The following CACHD1 variants were observed in gnomAD, a reference collection of about 807,000 sequenced individuals.
The protein encoded by CACHD1 is cache domain containing 1, also known as VWFA and cache domain-containing protein 1.
A neutral mutation model predicts 138.7 loss-of-function variants in CACHD1; 71 were observed. The observed-to-expected ratio is 0.51, with a 90% confidence interval of 0.42 to 0.62. The LOEUF is 0.62. Among genes scored for constraint, CACHD1 ranks in the 20% least tolerant of loss-of-function variants. The probability of loss-of-function intolerance (pLI) is 0.00; values close to 1 mark genes in which losing one functional copy is unlikely to be tolerated. For synonymous variants in CACHD1, 578 were observed against 591.5 expected, an observed-to-expected ratio of 0.98 and a Z score of 0.33; for missense variants, 1,389 against 1,625.3, an observed-to-expected ratio of 0.85 and a Z score of 2.50.
At chr1:64,639,567 G>T (rs1253285346) in intron 7 of CACHD1, among the ~76,000 whole-genome samples, 1 of 152,102 alleles carries the variant, frequency 6.6e-6, no homozygotes, top group African/African-American at 2.4e-5. Flanking sequence ...GAGGAATTTT[G>T]AATGCATTTA....
intron 4 of CACHD1, among the ~76,000 whole-genome samples, chr1:64,617,105 C>A (rs1300522976): frequency 3.4e-5 from 5 of 148,612 alleles, no homozygotes; most frequent in Non-Finnish European, 7.4e-5. Context: ...CCAAACCAAA[C>A]TGAACATCAG....
At chr1:64,666,257 A>G (rs1649629624) in intron 16 of CACHD1, 90 bp downstream of exon 16, 2 of 718,128 alleles carry the variant, frequency 2.8e-6, no homozygotes, top group Non-Finnish European at 2.3e-6. Flanking sequence ...ACCAAGGCTT[A>G]GAGGCAGAAG....
chr1:64,565,846 C>T (rs1446904698), intron 2 of CACHD1, among the ~76,000 whole-genome samples: 3 of 152,136 alleles, frequency 2.0e-5, no homozygotes, highest in Admixed American at 1.3e-4. Context: ...TTCAAGACCT[C>T]AGAAATGAAT....
At chr1:64,480,537 A>C (rs1006609954) in intron 1 of CACHD1, among the ~76,000 whole-genome samples, 5 of 152,200 alleles carry the variant, frequency 3.3e-5, no homozygotes, top group Admixed American at 2.0e-4. Flanking sequence ...TTAAATACCT[A>C]GAAGTCAGTG....
intron 9 of CACHD1, 76 bp from the exon 10 acceptor site, chr1:64,652,085 C>G: frequency 1.6e-6 from 2 of 1,284,078 alleles, no homozygotes; most frequent in Non-Finnish European, 2.1e-6. Context: ...CTTCATGATT[C>G]ACCGGAGCAC....
chr1:64,678,116 CCCACACTG>C (rs1650053680), intron 22 of CACHD1, 35 bp from the exon 23 acceptor site: 5 of 1,593,684 alleles, frequency 3.1e-6, no homozygotes, highest in Non-Finnish European at 4.3e-6. Flanking sequence ...TGTCCCCTGC[CCCACACTG>C]CTTTATAGAA....
chr1:64,586,323 C>A (rs1168719920), intron 3 of CACHD1, among the ~76,000 whole-genome samples: 1 of 152,302 alleles, frequency 6.6e-6, no homozygotes, highest in South Asian at 2.1e-4. Flanking sequence ...CTTGGCCTCC[C>A]AAAGTGCTGG....
chr1:64,575,767 CAT>C (rs1646962401), intron 2 of CACHD1, among the ~76,000 whole-genome samples: 1 of 152,170 alleles, frequency 6.6e-6, no homozygotes, highest in Admixed American at 6.5e-5. Context: ...AGGAAGCAGA[CAT>C]AAATAAAGTA....
chr1:64,543,063 A>G (rs758425679), intron 1 of CACHD1, among the ~76,000 whole-genome samples: 74 of 152,204 alleles, frequency 4.9e-4, no homozygotes, highest in Non-Finnish European at 9.4e-4. Context: ...ACACATATTA[A>G]CAATAAATTT....
At chr1:64,591,666 A>T (rs533840617) in intron 3 of CACHD1, among the ~76,000 whole-genome samples, 1 of 152,316 alleles carries the variant, frequency 6.6e-6, no homozygotes, top group African/African-American at 2.4e-5. Flanking sequence ...AGGGAATTCC[A>T]CTTCTTAATC....
intron 2 of CACHD1, 60 bp from the exon 3 acceptor site, chr1:64,582,096 A>G: frequency 6.4e-7 from 1 of 1,571,078 alleles, no homozygotes; most frequent in South Asian, 1.2e-5. Context: ...TTATTAGAAA[A>G]AAATACAATG....
chr1:64,578,065 C>T (rs1646983153), intron 2 of CACHD1, among the ~76,000 whole-genome samples: 1 of 152,136 alleles, frequency 6.6e-6, no homozygotes, highest in South Asian at 2.1e-4. Context: ...TGCTCTTTGC[C>T]TTGTTTGATT....
chr1:64,598,007 A>G (rs560048692), intron 3 of CACHD1, among the ~76,000 whole-genome samples: 10 of 152,276 alleles, frequency 6.6e-5, no homozygotes, highest in African/African-American at 2.2e-4. Flanking sequence ...ATGGGCATAA[A>G]ATGCATTCCT....
chr1:64,556,292 T>C (rs1421804834), intron 2 of CACHD1, among the ~76,000 whole-genome samples: 1 of 152,252 alleles, frequency 6.6e-6, no homozygotes, highest in African/African-American at 2.4e-5. Context: ...TAACCGCTTA[T>C]AGGATTTGTT....
intron 2 of CACHD1, among the ~76,000 whole-genome samples, chr1:64,558,563 A>G (rs1048192047): frequency 6.6e-6 from 1 of 152,216 alleles, no homozygotes; most frequent in East Asian, 1.9e-4. Flanking sequence ...AAGCTAAGCA[A>G]TAACCATCCT....
At chr1:64,639,768 T>A (rs1648643256) in intron 7 of CACHD1, among the ~76,000 whole-genome samples, 1 of 152,272 alleles carries the variant, frequency 6.6e-6, no homozygotes, top group Non-Finnish European at 1.5e-5. Flanking sequence ...ATTCATTAAC[T>A]ATTGCTGTGT....
At chr1:64,598,651 A>G (rs530897856) in intron 3 of CACHD1, among the ~76,000 whole-genome samples, 1 of 152,288 alleles carries the variant, frequency 6.6e-6, no homozygotes, top group African/African-American at 2.4e-5. Flanking sequence ...TTCAAGAGCT[A>G]CATGGATAGG....
intron 4 of CACHD1, among the ~76,000 whole-genome samples, chr1:64,624,535 G>C (rs1194868677): frequency 6.6e-6 from 1 of 152,138 alleles, no homozygotes; most frequent in Non-Finnish European, 1.5e-5. Context: ...GACCCCAGGA[G>C]ACTAGGTGGA....
At chr1:64,629,306 A>T in intron 4 of CACHD1, 49 bp from the exon 5 acceptor site, 1 of 1,602,128 alleles carries the variant, frequency 6.2e-7, no homozygotes, top group Non-Finnish European at 8.5e-7. Flanking sequence ...CAGTGCCTGC[A>T]TGCACCTGTG....
Sources: gnomAD v4.1 joint callset for allele counts (sites outside exome capture counted in the v4.1 genomes callset) on GRCh38, gnomAD v4.1.1 for gene constraint, MANE v1.5 for transcripts, NCBI Gene and HGNC (gene_info 2026-07-23, HGNC 2026-07-21) for gene names.